The following AP2A1 variants were observed in gnomAD, a reference collection of about 807,000 sequenced individuals.
AP2A1 encodes the protein AP-2 complex subunit alpha-1.
A neutral mutation model predicts 107.3 loss-of-function variants in AP2A1; 21 were observed. The ratio of observed to expected loss-of-function variants is 0.20; its 90% confidence interval spans 0.14 to 0.28. The LOEUF (loss-of-function observed/expected upper bound fraction) is 0.28, where lower values mean the gene tolerates loss of function less well. Ranked by LOEUF, AP2A1 falls within the 10% of genes least tolerant of loss-of-function variation. The probability of loss-of-function intolerance (pLI) is 1.00; values close to 1 mark genes in which losing one functional copy is unlikely to be tolerated. For synonymous variants in AP2A1, 602 were observed against 564.8 expected, an observed-to-expected ratio of 1.07 and a Z score of -0.93; for missense variants, 873 against 1,307.7, an observed-to-expected ratio of 0.67 and a Z score of 5.13.
chr19:49,787,538 C>T (rs1473802721), intron 4 of AP2A1, among the ~76,000 whole-genome samples: 2 of 147,600 alleles, frequency 1.4e-5, no homozygotes, highest in African/African-American at 2.5e-5. Flanking sequence ...TTAGTAGAGA[C>T]GAGGTTTGCC....
chr19:49,768,755 C>T (rs963875057), intron 1 of AP2A1, among the ~76,000 whole-genome samples: 1 of 152,112 alleles, frequency 6.6e-6, no homozygotes, highest in Admixed American at 6.6e-5. Flanking sequence ...CGGGGGCTGC[C>T]TCTGTTACCC....
Position 49,803,099 on chromosome 19 carries a change from C to A in AP2A1, c.2172-8C>A, listed in dbSNP as rs779579614. On this transcript the variant is annotated splice_region_variant and splice_polypyrimidine_tract_variant and intron_variant, in intron 16 of 22. Coordinates refer to ENST00000354293, the MANE Select transcript of AP2A1 (RefSeq NM_130787.3). ...ACCCCCGTCATCTTGCGCCCCCTGCCCCCTCAGGTTTGTGTGTAAGAACAA... is the reference window on the plus strand; with the variant it reads ...ACCCCCGTCATCTTGCGCCCCCTGCACCCTCAGGTTTGTGTGTAAGAACAA... The A allele has an allele frequency of 1.7e-5, 28 of 1,613,868 alleles. No individual in the cohort carries two copies. Among genetic ancestry groups the A allele is most frequent in the Non-Finnish European group, 2.2e-5 (26 of 1,179,900 alleles).
At chr19:49,770,986 G>A (rs1198153148) in intron 1 of AP2A1, among the ~76,000 whole-genome samples, 2 of 152,066 alleles carry the variant, frequency 1.3e-5, no homozygotes, top group African/African-American at 4.8e-5. Context: ...TGAGTAGCTG[G>A]GATTACAGGC....
intron 4 of AP2A1, among the ~76,000 whole-genome samples, chr19:49,783,852 G>C (rs768311560): frequency 6.6e-6 from 1 of 152,218 alleles, no homozygotes; most frequent in Non-Finnish European, 1.5e-5. Context: ...AAAATTACCT[G>C]TCTGAAACGT....
Position 49,799,983 on chromosome 19 carries a change from A to G in AP2A1, c.1288A>G (p.Ile430Val). 1 of 1,613,608 alleles carries G rather than the reference A, an allele frequency of 6.2e-7. No individual in the cohort carries two copies. The highest frequency in any genetic ancestry group is 8.5e-7 in the Non-Finnish European group (1 of 1,179,526). The change falls in exon 11 of 23, where the codon ATC (isoleucine) becomes GTC (valine). Residue 430 changes from isoleucine (I) to valine (V), a missense_variant. Ile to Val is a conservative substitution (Grantham distance 29). Around this residue, in one of 4 missense-constraint regions of AP2A1, gnomAD observed 213 missense variants for 443.5 expected, o/e 0.48. Coordinates refer to ENST00000354293, the MANE Select transcript of AP2A1 (RefSeq NM_130787.3). Reference protein sequence around the residue: ...IREEIVLKVAILAEKYAVDYS... With the variant: ...IREEIVLKVAVLAEKYAVDYS... Reference sequence around the variant, plus strand: ...CCGGCGGCAGGTCCTGAAGGTGGCCATCCTGGCCGAGAAGTACGCCGTGGA... The same window carrying G: ...CCGGCGGCAGGTCCTGAAGGTGGCCGTCCTGGCCGAGAAGTACGCCGTGGA...
chr19:49,802,550 GC>G, intron 15 of AP2A1: 3 of 1,606,052 alleles, frequency 1.9e-6, no homozygotes. Context: ...GGAGCCGCCT[GC>G]CCCCGAGAGC....
intron 4 of AP2A1, among the ~76,000 whole-genome samples, chr19:49,790,342 T>G (rs1453377378): frequency 6.6e-6 from 1 of 152,208 alleles, no homozygotes; most frequent in Non-Finnish European, 1.5e-5. Flanking sequence ...ATAAGGACCC[T>G]GTGATGACAT....
chr19:49,796,659 CCTGT>C (rs1430281459), intron 7 of AP2A1: 6 of 152,254 alleles, frequency 3.9e-5, no homozygotes, highest in Non-Finnish European at 8.8e-5. Flanking sequence ...GCGTGCATCC[CCTGT>C]GTGTGGATGT....
intron 1 of AP2A1, among the ~76,000 whole-genome samples, chr19:49,772,255 T>C (rs980573724): frequency 3.4e-5 from 4 of 117,140 alleles, no homozygotes; most frequent in African/African-American, 1.3e-4. Context: ...AGTTTTTTTT[T>C]TTTTTTTTTT....
At chr19:49,798,711 G>GGCAAA in intron 7 of AP2A1, 91 bp from the exon 8 acceptor site, 1 of 1,485,426 alleles carries the variant, frequency 6.7e-7, no homozygotes, top group Non-Finnish European at 9.0e-7. Context: ...CTCCTCCTTT[G>GGCAAA]GAAGACAGGA....
intron 3 of AP2A1, 46 bp downstream of exon 3, chr19:49,782,135 CG>C (rs1454999150): frequency 9.8e-6 from 2 of 204,868 alleles, no homozygotes; most frequent in Non-Finnish European, 7.1e-6. Flanking sequence ...CCTGGGTCTG[CG>C]GGGGAGGGGG....
At chr19:49,802,822 C>T in intron 15 of AP2A1, 127 bp from the exon 16 acceptor site, 1 of 1,197,006 alleles carries the variant, frequency 8.4e-7, no homozygotes, top group Non-Finnish European at 1.2e-6. Context: ...CCTCGAGGCT[C>T]TGTGAGGGGT....
chr19:49,799,242 T>G, intron 8 of AP2A1, 85 bp from the exon 9 acceptor site: 16 of 1,459,558 alleles, frequency 1.1e-5, no homozygotes, highest in Non-Finnish European at 1.5e-5. Flanking sequence ...TTGGGGGCTG[T>G]GAGATGGGTC....
At chr19:49,801,084 A>AG in intron 12 of AP2A1, 26 bp downstream of exon 12, 1 of 1,569,448 alleles carries the variant, frequency 6.4e-7, no homozygotes, top group South Asian at 1.2e-5. Context: ...CCTGCAGGGG[A>AG]GAACACACAT....
chr19:49,780,673 AGTG>A (rs1369515942), intron 1 of AP2A1, among the ~76,000 whole-genome samples: 2 of 152,108 alleles, frequency 1.3e-5, no homozygotes, highest in Non-Finnish European at 2.9e-5. Flanking sequence ...ATCTGGATGA[AGTG>A]GTCATCGTGG....
At chr19:49,806,601 CT>C (rs2073393791) in intron 22 of AP2A1, 79 bp from the exon 23 acceptor site, 2 of 1,555,616 alleles carry the variant, frequency 1.3e-6, no homozygotes, top group South Asian at 2.3e-5. Flanking sequence ...TTTATCCTTC[CT>C]TCCTTCTATC....
At chr19:49,773,858 G>T (rs574813570) in intron 1 of AP2A1, among the ~76,000 whole-genome samples, 2 of 152,342 alleles carry the variant, frequency 1.3e-5, no homozygotes, top group East Asian at 1.9e-4. Context: ...CCTGAGGCAG[G>T]ATTGTGCTTG....
chr19:49,782,662 C>T lies in AP2A1; in HGVS notation c.411C>T (p.Asn137=), dbSNP rs771152216. Residue 137 remains asparagine, a synonymous_variant, in exon 4 of 23, where the codon AAC becomes AAT. Transcript: ENST00000354293. ...FMCLALHCIA[N]VGSREMGEAF... The stretch of plus-strand genomic sequence containing the variant: ...GCCTGGCCCTGCACTGCATCGCCAA[C>T]GTGGGCAGCCGGGAGATGGGCGAGG... 8.1e-6 allele frequency: 13 copies of T among 1,612,604 alleles called. No homozygotes were observed. Among genetic ancestry groups the T allele is most frequent in the South Asian group, 1.1e-5 (1 of 90,976 alleles).
intron 4 of AP2A1, among the ~76,000 whole-genome samples, chr19:49,787,327 T>C (rs1382871904): frequency 8.0e-6 from 1 of 124,490 alleles, no homozygotes; most frequent in Non-Finnish European, 1.6e-5. Flanking sequence ...CCATCTAGGC[T>C]TTTTTTGTTT....
Sources: allele counts gnomAD v4.1 joint callset (sites outside exome capture counted in the v4.1 genomes callset), GRCh38; gene constraint gnomAD v4.1.1; regional missense constraint gnomAD v4.1.1; transcripts MANE v1.5; gene names NCBI Gene and HGNC (gene_info 2026-07-23, HGNC 2026-07-21).